GPR158: variants seen among roughly 807,000 people sequenced by gnomAD.
GPR158 encodes the protein G protein-coupled receptor 158, also known as metabotropic glycine receptor.
GPR158 carries 30 observed loss-of-function variants against 78.2 expected under a neutral mutation model. The ratio of observed to expected loss-of-function variants is 0.38; its 90% CI spans 0.29 to 0.52. The LOEUF is 0.52. GPR158 is among the 20% of genes least tolerant of loss of function. The pLI, the probability that GPR158 is intolerant of heterozygous loss-of-function variation, is 0.83. For synonymous variants in GPR158, 581 were observed against 591.1 expected (o/e 0.98, Z 0.25); for missense variants, 1,463 against 1,523.5 (o/e 0.96, Z 0.66).
intron 8 of GPR158, among the ~76,000 whole-genome samples, chr10:25,591,029 C>CAATA (rs1393020893): frequency 6.6e-6 from 1 of 151,966 alleles, no homozygotes; most frequent in African/African-American, 2.4e-5. Context: ...TTTAATAAGG[C>CAATA]AATAGATGGT....
chr10:25,325,821 A>G (rs1332563268), intron 2 of GPR158, among the ~76,000 whole-genome samples: 2 of 151,276 alleles, frequency 1.3e-5, no homozygotes. Context: ...GTGAGGTGAT[A>G]TCTCATTGTG....
chr10:25,236,662 C>T (rs190419657), intron 2 of GPR158, among the ~76,000 whole-genome samples: 1 of 152,142 alleles, frequency 6.6e-6, no homozygotes, highest in East Asian at 1.9e-4. Context: ...CTTTGGCCAC[C>T]TGATCGAGTC....
chr10:25,593,532 C>T (rs778098659), intron 8 of GPR158, among the ~76,000 whole-genome samples: 2 of 151,890 alleles, frequency 1.3e-5, no homozygotes, highest in South Asian at 4.1e-4. Context: ...CTGGTTTCTG[C>T]GTAAGGATGC....
chr10:25,367,424 C>A (rs1300145193), intron 2 of GPR158, among the ~76,000 whole-genome samples: 2 of 151,522 alleles, frequency 1.3e-5, no homozygotes, highest in Non-Finnish European at 2.9e-5. Context: ...TACAATAAGC[C>A]CCCCAGTTTT....
intron 1 of GPR158, among the ~76,000 whole-genome samples, chr10:25,196,858 A>G (rs1564388592): frequency 3.3e-5 from 5 of 152,184 alleles, no homozygotes; most frequent in Admixed American, 1.3e-4. Flanking sequence ...CCTTCATTTA[A>G]TCACCTTGAT....
intron 4 of GPR158, among the ~76,000 whole-genome samples, chr10:25,423,545 C>A (rs565627353): frequency 1.3e-5 from 2 of 152,150 alleles, no homozygotes; most frequent in Non-Finnish European, 2.9e-5. Context: ...CATGCCCCAA[C>A]CTATGACAGG....
intron 1 of GPR158, among the ~76,000 whole-genome samples, chr10:25,201,488 A>G (rs1852928880): frequency 6.6e-6 from 1 of 151,940 alleles, no homozygotes; most frequent in Admixed American, 6.6e-5. Flanking sequence ...GATGTCTTTT[A>G]TTTCTTTCTC....
At chr10:25,292,918 G>A (rs890565886) in intron 2 of GPR158, among the ~76,000 whole-genome samples, 3 of 152,158 alleles carry the variant, frequency 2.0e-5, no homozygotes, top group Admixed American at 2.0e-4. Context: ...AATGATAAAA[G>A]TAACAAGAGT....
chr10:25,200,861 T>C (rs1852914407), intron 1 of GPR158, among the ~76,000 whole-genome samples: 1 of 138,250 alleles, frequency 7.2e-6, no homozygotes, highest in Non-Finnish European at 1.5e-5. Context: ...TATCTGTTTT[T>C]TGTTTTGTTT....
intron 2 of GPR158, among the ~76,000 whole-genome samples, chr10:25,325,243 CTG>C (rs1312488164): frequency 6.6e-6 from 1 of 152,102 alleles, no homozygotes; most frequent in Non-Finnish European, 1.5e-5. Flanking sequence ...AGCATAAAAA[CTG>C]TGATTGACAT....
At chr10:25,331,410 T>A (rs1292272341) in intron 2 of GPR158, among the ~76,000 whole-genome samples, 1 of 152,214 alleles carries the variant, frequency 6.6e-6, no homozygotes, top group Non-Finnish European at 1.5e-5. Flanking sequence ...AGTACTTGAA[T>A]TAGATGAATA....
intron 2 of GPR158, among the ~76,000 whole-genome samples, chr10:25,329,467 T>C (rs1447551099): frequency 6.6e-6 from 1 of 152,016 alleles, no homozygotes; most frequent in African/African-American, 2.4e-5. Flanking sequence ...ATGCATTTTA[T>C]TTTCGTTGCT....
intron 2 of GPR158, among the ~76,000 whole-genome samples, chr10:25,382,988 A>T (rs1211412964): frequency 6.6e-6 from 1 of 151,830 alleles, no homozygotes; most frequent in Non-Finnish European, 1.5e-5. Context: ...GGTGCCTGCC[A>T]CCACACCCGG....
chr10:25,206,947 A>G (rs1853048296), intron 1 of GPR158, among the ~76,000 whole-genome samples: 1 of 151,124 alleles, frequency 6.6e-6, no homozygotes, highest in Admixed American at 6.6e-5. Flanking sequence ...TAATTATTCC[A>G]GAGTTTCAAG....
At chr10:25,345,351 T>G (rs781208486) in intron 2 of GPR158, among the ~76,000 whole-genome samples, 25 of 151,942 alleles carry the variant, frequency 1.6e-4, no homozygotes, top group Non-Finnish European at 2.7e-4. Flanking sequence ...GAACAAAAGT[T>G]AACAGTCTTT....
chr10:25,422,249 G>A (rs913673695), intron 4 of GPR158, among the ~76,000 whole-genome samples: 1 of 152,094 alleles, frequency 6.6e-6, no homozygotes, highest in African/African-American at 2.4e-5. Flanking sequence ...TTTATAGCAG[G>A]GGTCCGAAAC....
intron 5 of GPR158, among the ~76,000 whole-genome samples, chr10:25,541,352 C>T (rs560921298): frequency 1.4e-4 from 22 of 152,100 alleles, no homozygotes; most frequent in African/African-American, 5.3e-4. Flanking sequence ...TGAATATCTT[C>T]TCCCAGCATA....
At chr10:25,318,032 C>T (rs1290512647) in intron 2 of GPR158, among the ~76,000 whole-genome samples, 1 of 152,060 alleles carries the variant, frequency 6.6e-6, no homozygotes, top group African/African-American at 2.4e-5. Flanking sequence ...CCATAAAGTA[C>T]TTTTGATTGT....
chr10:25,328,758 C>T lies in GPR158; in HGVS notation c.1009-67153C>T, dbSNP rs182038983. Among the ~76,000 whole-genome samples the T allele has an allele frequency of 3.3e-3, 504 of 151,950 alleles. 3 individuals carry two copies. The highest frequency in any genetic ancestry group is 0.011 in the African/African-American group (466 of 41,424). On this transcript the variant is annotated intron_variant, in intron 2 of 10. Coordinates refer to ENST00000376351, the MANE Select transcript of GPR158 (RefSeq NM_020752.3). The stretch of plus-strand genomic sequence containing the variant: ...CCTGGTCAACATGATGAAACCCCGT[C>T]TGTACTAAAAATACAAAAATTAGCC...
Sources: gnomAD v4.1 joint callset for allele counts (sites outside exome capture counted in the v4.1 genomes callset) on GRCh38, gnomAD v4.1.1 for gene constraint, MANE v1.5 for transcripts, NCBI Gene and HGNC (gene_info 2026-07-23, HGNC 2026-07-21) for gene names.